The following PRSS38 variants were observed in gnomAD, a reference collection of about 807,000 sequenced individuals.
The protein encoded by PRSS38 is serine protease 38, also known as marapsin 2.
Under a neutral mutation model 26.8 loss-of-function variants are expected in PRSS38, and 22 were observed. The observed-to-expected ratio is 0.82, with a 90% CI of 0.59 to 1.17. PRSS38 has a LOEUF of 1.17. Among genes scored for constraint, PRSS38 ranks in the 50% most tolerant of loss-of-function variants. PRSS38 has a pLI of 0.00. For synonymous variants in PRSS38, 175 were observed against 172.1 expected, an observed-to-expected ratio of 1.02 and a Z score of -0.13; for missense variants, 427 against 422.7, an observed-to-expected ratio of 1.01 and a Z score of -0.09.
chr1:227,828,392 TTTAGGATAG>T (rs774304286), intron 3 of PRSS38, among the ~76,000 whole-genome samples: 35 of 152,284 alleles, frequency 2.3e-4, no homozygotes, highest in Non-Finnish European at 2.2e-4. Flanking sequence ...TGCATATATA[TTTAGGATAG>T]TTAGCTTTTC....
chr1:227,846,001 G>A lies in PRSS38; in HGVS notation c.774G>A (p.Leu258=), dbSNP rs564039124. 2.8e-5 allele frequency: 46 copies of A among 1,614,224 alleles called. No homozygotes were observed. In the African/African-American group the frequency reaches 5.2e-4, roughly 18 times the overall value. The change falls in exon 5 of 5, where the codon TTG becomes TTA. Residue 258 remains leucine, a synonymous_variant. Coordinates refer to ENST00000366757, the Ensembl canonical transcript of PRSS38. Reference sequence around the variant, plus strand: ...TCTGTGAATTCAACCGCAGCTGGTTGCAGATTGGAATTGTGAGCTGGGGCC... The same window carrying A: ...TCTGTGAATTCAACCGCAGCTGGTTACAGATTGGAATTGTGAGCTGGGGCC...
intron 3 of PRSS38, among the ~76,000 whole-genome samples, chr1:227,823,684 T>C (rs1241579370): frequency 6.6e-6 from 1 of 152,220 alleles, no homozygotes; most frequent in African/African-American, 2.4e-5. Context: ...TACTTCCTCT[T>C]GCATCATATG....
At position 227,845,385 on chromosome 1, in the gene PRSS38, C is replaced by T; in HGVS notation, c.584-85C>T. 4 of 917,730 alleles carry T rather than the reference C, an allele frequency of 4.4e-6. No individual in the cohort carries two copies. The South Asian group carries it at 6.2e-5, about 14-fold the overall frequency. 56.8% of individuals were successfully genotyped at this position (917,730 alleles called of 1,614,324 possible). A position where few individuals can be genotyped will look rare whatever the true frequency, so the allele number is the denominator to read the frequency against. On this transcript the variant is annotated intron_variant, in intron 3 of 4. Transcript: ENST00000366757. ...AGTGGGGCTCCTCTCCATGGGCTAT[C>T]CCCTTGGTGTCCACTGTGGGGCAGG...
chr1:227,816,418 A>G lies in PRSS38; in HGVS notation c.311+166A>G, dbSNP rs1485896249. Among the ~76,000 whole-genome samples, 1 of 152,076 alleles carries G rather than the reference A, an allele frequency of 6.6e-6. No individual in the cohort carries two copies. The highest frequency in any genetic ancestry group is 2.4e-5 in the African/African-American group (1 of 41,406). On this transcript the variant is annotated intron_variant, in intron 2 of 4. Transcript: ENST00000366757. This position sits in a 1 kb window ranked among gnomAD's most constrained non-coding sequence, Gnocchi z 5.1. The stretch of plus-strand genomic sequence containing the variant: ...TCCCCACCAGTGAGGCTGGTCCCCA[A>G]ACACACAGCTGGGTCCCCATTCTTG...
At chr1:227,844,189 G>A (rs1307934409) in intron 3 of PRSS38, among the ~76,000 whole-genome samples, 1 of 152,186 alleles carries the variant, frequency 6.6e-6, no homozygotes. Flanking sequence ...TTAGGGCTAG[G>A]GGTTAGGCTT....
At chr1:227,844,332 C>T (rs1665382754) in intron 3 of PRSS38, among the ~76,000 whole-genome samples, 1 of 152,032 alleles carries the variant, frequency 6.6e-6, no homozygotes, top group African/African-American at 2.4e-5. Flanking sequence ...CCTCCCCTAC[C>T]CCCCATGAGT....
chr1:227,834,440 G>A (rs1008400554), intron 3 of PRSS38, among the ~76,000 whole-genome samples: 5 of 152,078 alleles, frequency 3.3e-5, no homozygotes, highest in African/African-American at 4.8e-5. Flanking sequence ...AGGCCAAGGC[G>A]GGCAGATTAC....
chr1:227,842,734 C>T (rs1443312324), intron 3 of PRSS38, among the ~76,000 whole-genome samples: 1 of 152,098 alleles, frequency 6.6e-6, no homozygotes, highest in Non-Finnish European at 1.5e-5. Flanking sequence ...GCATGTGCTA[C>T]CACACCTAAT....
chr1:227,835,289 G>A (rs527350737), intron 3 of PRSS38, among the ~76,000 whole-genome samples: 50 of 152,294 alleles, frequency 3.3e-4, no homozygotes, highest in African/African-American at 1.2e-3. Flanking sequence ...AGTTAAACAG[G>A]CCAAGTGCAC....
exon 1 of PRSS38, chr1:227,815,770 T>G: frequency 6.2e-7 from 1 of 1,611,642 alleles, no homozygotes; most frequent in Non-Finnish European, 8.5e-7. Flanking sequence ...CCCTGGGCCT[T>G]CTGCTGCTGC....
chr1:227,845,738 G>T, intron 4 of PRSS38, 126 bp downstream of exon 4: 1 of 1,275,664 alleles, frequency 7.8e-7, no homozygotes, highest in Non-Finnish European at 1.1e-6. Context: ...GCTGAGCAGG[G>T]CGATGTATGA....
At chr1:227,839,104 C>T (rs1463384827) in intron 3 of PRSS38, among the ~76,000 whole-genome samples, 1 of 152,194 alleles carries the variant, frequency 6.6e-6, no homozygotes, top group Non-Finnish European at 1.5e-5. Context: ...TGCTTCTTTC[C>T]TGCCAGCCCT....
At position 227,816,601 on chromosome 1, in the gene PRSS38, A is replaced by G. The variant is rs1226264010; in HGVS notation, c.311+349A>G. 6.6e-6 allele frequency among the ~76,000 whole-genome samples: 1 copy of G among 151,314 alleles called. No individual in the cohort carries two copies. The highest frequency in any genetic ancestry group is 1.9e-4 in the East Asian group (1 of 5,148). ...AATGCACAGCCTGGTCCCCATGTGCAAGGCTGGTCCCCTAAGTGCACGACC... is the reference window on the plus strand; with the variant it reads ...AATGCACAGCCTGGTCCCCATGTGCGAGGCTGGTCCCCTAAGTGCACGACC... On this transcript the variant is annotated intron_variant, in intron 2 of 4. Transcript: ENST00000366757. The surrounding 1 kb of genome is among the most constrained non-coding windows in gnomAD (Gnocchi z 5.1).
At chr1:227,832,103 A>C (rs1042406249) in intron 3 of PRSS38, among the ~76,000 whole-genome samples, 11 of 152,114 alleles carry the variant, frequency 7.2e-5, no homozygotes, top group Admixed American at 5.9e-4. Flanking sequence ...TCTGATATTG[A>C]TCTAGCCATT....
At chr1:227,831,264 C>T (rs1314868015) in intron 3 of PRSS38, among the ~76,000 whole-genome samples, 1 of 151,868 alleles carries the variant, frequency 6.6e-6, no homozygotes, top group African/African-American at 2.4e-5. Context: ...ATCTAATTTC[C>T]CTCATAATTT....
chr1:227,832,221 AG>A (rs1239352442), intron 3 of PRSS38, among the ~76,000 whole-genome samples: 5 of 152,178 alleles, frequency 3.3e-5, no homozygotes, highest in Non-Finnish European at 7.4e-5. Flanking sequence ...GAAAGCATAT[AG>A]TTGGGTCTTC....
At chr1:227,832,306 T>C (rs1380949975) in intron 3 of PRSS38, among the ~76,000 whole-genome samples, 1 of 152,212 alleles carries the variant, frequency 6.6e-6, no homozygotes, top group Non-Finnish European at 1.5e-5. Flanking sequence ...AATGTAATTA[T>C]TGATTTTGTG....
exon 1 of PRSS38, chr1:227,815,699 G>T (rs1042641429): frequency 6.4e-7 from 1 of 1,561,890 alleles, no homozygotes; most frequent in Admixed American, 1.8e-5. Context: ...ACCCGCTGGG[G>T]GCGCTGCCTC....
intron 3 of PRSS38, among the ~76,000 whole-genome samples, chr1:227,827,651 T>G (rs1665095006): frequency 8.5e-6 from 1 of 117,490 alleles, no homozygotes; most frequent in African/African-American, 2.6e-5. Context: ...AGCTTCTGAA[T>G]TCATTGATTT....
Sources: gnomAD v4.1 joint callset for allele counts (sites outside exome capture counted in the v4.1 genomes callset) on GRCh38, gnomAD v4.1.1 for gene constraint, Gnocchi (gnomAD v3.1) non-coding constraint, MANE v1.5 for transcripts, NCBI Gene and HGNC (gene_info 2026-07-23, HGNC 2026-07-21) for gene names.